Variants in RPS6KA6 observed in about 807,000 individuals in gnomAD.
RPS6KA6 encodes ribosomal protein S6 kinase A6, also known as ribosomal protein S6 kinase alpha-6.
In RPS6KA6, 27 loss-of-function variants were observed where a neutral mutation model predicts 65.4. The observed-to-expected ratio is 0.41, with a 90% CI of 0.30 to 0.57. RPS6KA6 has a LOEUF of 0.57. RPS6KA6 is among the 20% of genes least tolerant of loss of function. The probability of loss-of-function intolerance (pLI) is 0.24; values close to 1 mark genes in which losing one functional copy is unlikely to be tolerated. For synonymous variants in RPS6KA6, 190 were observed against 184.2 expected (o/e 1.03, Z -0.26); for missense variants, 486 against 555.6 (o/e 0.87, Z 1.26).
At chrX:84,071,187 A>C (rs1331000475) in intron 20 of RPS6KA6, among the ~76,000 whole-genome samples, 1 of 110,822 alleles carries the variant, frequency 9.0e-6, no homozygotes, top group East Asian at 2.8e-4. Context: ...GGGTGTGAGG[A>C]GCAGAGAGAG....
intron 3 of RPS6KA6, among the ~76,000 whole-genome samples, chrX:84,154,482 T>A (rs773622976): frequency 8.9e-6 from 1 of 111,742 alleles, no homozygotes; most frequent in African/African-American, 3.2e-5. Flanking sequence ...CATTTATACA[T>A]CTGGAATATA....
At chrX:84,183,072 T>A (rs1340804580) in intron 1 of RPS6KA6, among the ~76,000 whole-genome samples, 1 of 112,295 alleles carries the variant, frequency 8.9e-6, no homozygotes, top group Non-Finnish European at 1.9e-5. Context: ...TATTATTCAA[T>A]ACAATATTAG....
rs1344170452 is a variant in RPS6KA6 at position 84,060,734 on chromosome X, C to A, written c.*3543G>T. 2 of 111,136 alleles carry A rather than the reference C, an allele frequency of 1.8e-5. No homozygotes were observed. The highest frequency in any genetic ancestry group is 3.8e-5 in the Non-Finnish European group (2 of 52,935). 9.2% of individuals were successfully genotyped at this position (111,136 alleles called of 1,213,427 possible). On this transcript the variant is annotated 3_prime_UTR_variant, in exon 22 of 22. Transcript: ENST00000262752. Reference sequence around the variant, plus strand: ...AAACAGTTTATTAGATACTCTGACCCTGGGACACACTGTTCCTTTCCCCCA... The same window carrying A: ...AAACAGTTTATTAGATACTCTGACCATGGGACACACTGTTCCTTTCCCCCA...
intron 20 of RPS6KA6, among the ~76,000 whole-genome samples, chrX:84,081,523 A>G (rs763720986): frequency 1.8e-5 from 2 of 111,899 alleles, no homozygotes; most frequent in Admixed American, 9.5e-5. Context: ...TTCACAGCCA[A>G]CTTCTACCAG....
intron 20 of RPS6KA6, among the ~76,000 whole-genome samples, chrX:84,068,822 T>C (rs1016507312): frequency 1.8e-5 from 2 of 111,262 alleles, no homozygotes; most frequent in Middle Eastern, 4.2e-3. Context: ...CCATTCACAA[T>C]TGCTATAAAG....
At chrX:84,171,230 G>C (rs969624356) in intron 1 of RPS6KA6, among the ~76,000 whole-genome samples, 7 of 111,612 alleles carry the variant, frequency 6.3e-5, no homozygotes, top group East Asian at 5.7e-4. Context: ...GTTGATTACA[G>C]CTTGGTAGGG....
chrX:84,145,095 T>C (rs1405162002), intron 6 of RPS6KA6, among the ~76,000 whole-genome samples: 2 of 111,041 alleles, frequency 1.8e-5, no homozygotes, highest in African/African-American at 6.5e-5. Context: ...TTCACAGTTA[T>C]ATACAAATGT....
chrX:84,069,007 C>T (rs2033469089), intron 20 of RPS6KA6, among the ~76,000 whole-genome samples: 1 of 111,833 alleles, frequency 8.9e-6, no homozygotes, highest in South Asian at 3.7e-4. Flanking sequence ...TTTATAGATT[C>T]AATGTTATCC....
intron 20 of RPS6KA6, among the ~76,000 whole-genome samples, chrX:84,090,649 T>C (rs1311136089): frequency 1.8e-5 from 2 of 111,543 alleles, no homozygotes; most frequent in South Asian, 3.8e-4. Flanking sequence ...CAAACACTTA[T>C]AAAACTATCA....
chrX:84,130,852 G>C (rs6622926), intron 8 of RPS6KA6, among the ~76,000 whole-genome samples: 5,657 of 111,210 alleles, frequency 0.051, 197 homozygotes, highest in East Asian at 0.2. Context: ...GGTAAAGGGA[G>C]GACTGACTTA....
intron 6 of RPS6KA6, 84 bp downstream of exon 6, chrX:84,145,394 G>A: frequency 1.7e-6 from 1 of 591,339 alleles, no homozygotes; most frequent in Non-Finnish European, 2.6e-6. Context: ...ATTTCAATAG[G>A]AAAAATGTAA....
rs2033261192 is a variant in RPS6KA6, at chrX:84,059,157, T to TTTC, written c.*5117_*5119dup. The TTTC allele has an allele frequency of 2.2e-5, 2 of 89,131 alleles. No homozygotes were observed. Among genetic ancestry groups the TTTC allele is most frequent in the African/African-American group, 8.4e-5 (2 of 23,758 alleles). The allele number at this position is 89,131 out of a possible 1,213,427, so 7.3% of individuals were successfully genotyped here. A position where few individuals can be genotyped will look rare whatever the true frequency, so the allele number is the denominator to read the frequency against. On this transcript the variant is annotated 3_prime_UTR_variant, in exon 22 of 22. Coordinates refer to ENST00000262752, the MANE Select transcript of RPS6KA6 (RefSeq NM_014496.5). Reference sequence around the variant, plus strand: ...TTTTTTTTTTTTTTGTGAGACGGAGTTTCGCTCTTGTTGCCCAGGCTGGAG... The same window carrying TTTC: ...TTTTTTTTTTTTTTGTGAGACGGAGTTTCTTCGCTCTTGTTGCCCAGGCTGGAG...
intron 20 of RPS6KA6, among the ~76,000 whole-genome samples, chrX:84,072,335 T>C (rs1382305124): frequency 8.9e-6 from 1 of 111,907 alleles, no homozygotes; most frequent in Non-Finnish European, 1.9e-5. Flanking sequence ...AGAAAAAGCA[T>C]TTGATAAAAT....
At chrX:84,172,978 G>C (rs1288640354) in intron 1 of RPS6KA6, among the ~76,000 whole-genome samples, 1 of 110,819 alleles carries the variant, frequency 9.0e-6, no homozygotes, top group Non-Finnish European at 1.9e-5. Context: ...AGAATGGAAA[G>C]CTTTTGTGTA....
chrX:84,094,333 G>C (rs2034107886), intron 20 of RPS6KA6, among the ~76,000 whole-genome samples: 1 of 96,881 alleles, frequency 1.0e-5, no homozygotes, highest in African/African-American at 3.8e-5. Flanking sequence ...AAAAAAAAGA[G>C]TTCTACTTTA....
At chrX:84,124,201 G>C (rs1023623767) in intron 8 of RPS6KA6, among the ~76,000 whole-genome samples, 4 of 110,987 alleles carry the variant, frequency 3.6e-5, no homozygotes, top group Non-Finnish European at 5.7e-5. Context: ...CAAGCCCGGA[G>C]TCCAAGACCA....
At chrX:84,123,917 C>G (rs982801759) in intron 8 of RPS6KA6, among the ~76,000 whole-genome samples, 10 of 111,397 alleles carry the variant, frequency 9.0e-5, no homozygotes, top group African/African-American at 2.9e-4. Context: ...CGGTTTGATT[C>G]AATGCAGTCT....
intron 20 of RPS6KA6, among the ~76,000 whole-genome samples, chrX:84,076,050 C>G (rs181123108): frequency 9.0e-6 from 1 of 111,425 alleles, no homozygotes; most frequent in Admixed American, 9.5e-5. Context: ...TAAGAAAAAC[C>G]TTGTGCCAAT....
intron 8 of RPS6KA6, among the ~76,000 whole-genome samples, chrX:84,123,552 C>A (rs1782815633): frequency 8.9e-6 from 1 of 112,535 alleles, no homozygotes; most frequent in Admixed American, 9.3e-5. Context: ...CCTGGCAGAA[C>A]CCCTGCTATG....
Sources: allele counts gnomAD v4.1 joint callset (sites outside exome capture counted in the v4.1 genomes callset), GRCh38; gene constraint gnomAD v4.1.1; transcripts MANE v1.5; gene names NCBI Gene and HGNC (gene_info 2026-07-23, HGNC 2026-07-21).